The following NMNAT2 variants were observed in gnomAD, a reference collection of about 807,000 sequenced individuals.
NMNAT2 encodes the protein nicotinamide/nicotinic acid mononucleotide adenylyltransferase 2.
NMNAT2 carries 11 observed loss-of-function variants against 41.6 expected under a neutral mutation model. That is an observed-to-expected ratio of 0.26 (90% CI 0.17 to 0.44). NMNAT2 has a LOEUF of 0.44. Among genes scored for constraint, NMNAT2 ranks in the 20% least tolerant of loss-of-function variants. The probability of loss-of-function intolerance (pLI) is 1.00; values close to 1 mark genes in which losing one functional copy is unlikely to be tolerated. For synonymous variants in NMNAT2, 148 were observed against 151.2 expected, an observed-to-expected ratio of 0.98 and a Z score of 0.16; for missense variants, 288 against 407.7, an observed-to-expected ratio of 0.71 and a Z score of 2.53.
intron 1 of NMNAT2, among the ~76,000 whole-genome samples, chr1:183,369,372 G>A (rs1318266311): frequency 6.6e-6 from 1 of 151,464 alleles, no homozygotes; most frequent in African/African-American, 2.4e-5. Context: ...CACCTCCTGG[G>A]TTCAAGCGAT....
chr1:183,316,578 C>G (rs1471427264), intron 1 of NMNAT2, among the ~76,000 whole-genome samples: 1 of 152,200 alleles, frequency 6.6e-6, no homozygotes, highest in East Asian at 1.9e-4. Context: ...CAGCCCCCCA[C>G]CAGGCACCTC....
chr1:183,265,930 G>T (rs1452942877), intron 8 of NMNAT2, among the ~76,000 whole-genome samples: 1 of 152,214 alleles, frequency 6.6e-6, no homozygotes, highest in African/African-American at 2.4e-5. Context: ...ATTGGACCCA[G>T]AAGAGAGAAG....
At chr1:183,337,269 T>TA (rs1662696309) in intron 1 of NMNAT2, among the ~76,000 whole-genome samples, 1 of 151,978 alleles carries the variant, frequency 6.6e-6, no homozygotes, top group Non-Finnish European at 1.5e-5. Flanking sequence ...AGTGAAGGGA[T>TA]AAAAATATGA....
intron 5 of NMNAT2, 81 bp from the exon 6 acceptor site, chr1:183,284,871 G>A: frequency 8.5e-7 from 1 of 1,174,006 alleles, no homozygotes; most frequent in Non-Finnish European, 1.3e-6. Flanking sequence ...CCGGCATTGG[G>A]GCCGCTGTAA....
At chr1:183,336,815 A>C (rs1336729329) in intron 1 of NMNAT2, among the ~76,000 whole-genome samples, 1 of 152,248 alleles carries the variant, frequency 6.6e-6, no homozygotes, top group African/African-American at 2.4e-5. Context: ...CCAAATGTTC[A>C]TCAATAGGAA....
In NMNAT2 at chr1:183,252,026, G is replaced by A. The variant is rs1390587004; in HGVS notation, c.*615C>T. 6.5e-6 allele frequency: 1 copy of A among 154,506 alleles called. No homozygotes were observed. Among genetic ancestry groups the A allele is most frequent in the Admixed American group, 6.5e-5 (1 of 15,474 alleles). The allele number at this position is 154,506 out of a possible 1,614,324, so 9.6% of individuals were successfully genotyped here. A position where few individuals can be genotyped will look rare whatever the true frequency, so the allele number is the denominator to read the frequency against. On this transcript the variant is annotated 3_prime_UTR_variant, in exon 11 of 11. Coordinates refer to ENST00000287713, the MANE Select transcript of NMNAT2 (RefSeq NM_015039.4). ...GGCCCTGATGAACTCACTGAGTGCT[G>A]AGGCTGGCTACAATGTCCTATCAGA...
intron 1 of NMNAT2, among the ~76,000 whole-genome samples, chr1:183,379,136 G>A (rs959773048): frequency 1.1e-4 from 16 of 148,016 alleles, no homozygotes; most frequent in African/African-American, 3.2e-4. Context: ...GATATTGTCC[G>A]ATTAGATTTT....
intron 1 of NMNAT2, among the ~76,000 whole-genome samples, chr1:183,366,718 G>C (rs1198189363): frequency 6.6e-6 from 1 of 152,108 alleles, no homozygotes; most frequent in Non-Finnish European, 1.5e-5. Context: ...TGGACTGAGG[G>C]ACATTTAAGA....
intron 1 of NMNAT2, among the ~76,000 whole-genome samples, chr1:183,369,389 G>C (rs923969003): frequency 1.3e-5 from 2 of 151,512 alleles, no homozygotes; most frequent in African/African-American, 4.9e-5. Flanking sequence ...CGATTCTCCT[G>C]CCTCAGCCTC....
chr1:183,405,420 A>T (rs980811710), intron 1 of NMNAT2, among the ~76,000 whole-genome samples: 3 of 152,254 alleles, frequency 2.0e-5, no homozygotes, highest in Non-Finnish European at 4.4e-5. Flanking sequence ...GCATATGTTT[A>T]GAATTTTTCA....
At chr1:183,262,760 C>T (rs1660695647) in intron 8 of NMNAT2, among the ~76,000 whole-genome samples, 1 of 152,168 alleles carries the variant, frequency 6.6e-6, no homozygotes, top group Non-Finnish European at 1.5e-5. Flanking sequence ...TTTTAAAGAG[C>T]CTGAAAGTTA....
chr1:183,401,515 G>T (rs979814473), intron 1 of NMNAT2, among the ~76,000 whole-genome samples: 1 of 152,140 alleles, frequency 6.6e-6, no homozygotes, highest in African/African-American at 2.4e-5. Context: ...GGCGATTCCT[G>T]AAGGATCTAG....
chr1:183,334,278 G>A (rs1006651965), intron 1 of NMNAT2, among the ~76,000 whole-genome samples: 1 of 152,104 alleles, frequency 6.6e-6, no homozygotes, highest in African/African-American at 2.4e-5. Flanking sequence ...TATTGGCCAG[G>A]CTGGTCTCAG....
intron 1 of NMNAT2, among the ~76,000 whole-genome samples, chr1:183,306,180 G>T (rs1415396668): frequency 6.6e-6 from 1 of 151,798 alleles, no homozygotes; most frequent in African/African-American, 2.4e-5. Flanking sequence ...GGAGACCTTA[G>T]TCCCCGACAA....
At chr1:183,328,537 C>T (rs1662515772) in intron 1 of NMNAT2, among the ~76,000 whole-genome samples, 1 of 152,212 alleles carries the variant, frequency 6.6e-6, no homozygotes, top group East Asian at 1.9e-4. Flanking sequence ...CCTAGCCAGC[C>T]CCATGAGTCA....
intron 6 of NMNAT2, 93 bp downstream of exon 6, chr1:183,284,617 G>T: frequency 9.5e-7 from 1 of 1,054,096 alleles, no homozygotes; most frequent in Non-Finnish European, 1.5e-6. Flanking sequence ...ATTTGCGGTG[G>T]GGGGAATGTG....
chr1:183,265,649 C>T (rs778904876), intron 8 of NMNAT2, among the ~76,000 whole-genome samples: 1 of 152,154 alleles, frequency 6.6e-6, no homozygotes, highest in Non-Finnish European at 1.5e-5. Context: ...CACATTCAGT[C>T]TATAAGTTAG....
At chr1:183,356,587 C>T (rs664422) in intron 1 of NMNAT2, among the ~76,000 whole-genome samples, 90,416 of 152,068 alleles carry the variant, frequency 0.59, 27,101 homozygotes, top group East Asian at 0.8. Context: ...CATTAGAACA[C>T]GGACCCCTGT....
At chr1:183,291,008 C>T (rs1470648069) in intron 3 of NMNAT2, among the ~76,000 whole-genome samples, 3 of 152,180 alleles carry the variant, frequency 2.0e-5, no homozygotes, top group African/African-American at 7.2e-5. Context: ...CCTCCATCTC[C>T]TGGGTTCAAG....
Sources: gnomAD v4.1 joint callset for allele counts (sites outside exome capture counted in the v4.1 genomes callset) on GRCh38, gnomAD v4.1.1 for gene constraint, MANE v1.5 for transcripts, NCBI Gene and HGNC (gene_info 2026-07-23, HGNC 2026-07-21) for gene names.